DEPTOR: variants seen among roughly 807,000 people sequenced by gnomAD.
DEPTOR encodes the protein DEP domain-containing mTOR-interacting protein.
Under a neutral mutation model 41.6 loss-of-function variants are expected in DEPTOR, and 41 were observed. The ratio of observed to expected loss-of-function variants is 0.98; its 90% CI spans 0.77 to 1.28. The LOEUF is 1.28. Among genes scored for constraint, DEPTOR ranks in the 50% most tolerant of loss-of-function variants. DEPTOR has a pLI of 0.00. For synonymous variants in DEPTOR, 195 were observed against 192.3 expected, an observed-to-expected ratio of 1.01 and a Z score of -0.12; for missense variants, 514 against 527.9, an observed-to-expected ratio of 0.97 and a Z score of 0.26.
Position 119,873,811 on chromosome 8 carries a change from CA to C in DEPTOR, c.-35del, listed in dbSNP as rs1563952946. ...TCCGAGCACCCAAACCCTCGGCGGA[CA>C]GCGGAGCCAGTGGTAGCCGCACGGC... On this transcript the variant is annotated 5_prime_UTR_variant, in exon 1 of 9. Coordinates refer to ENST00000286234, the MANE Select transcript of DEPTOR (RefSeq NM_022783.4). The C allele has an allele frequency of 3.1e-6, 5 of 1,606,362 alleles. No homozygotes were observed. In the South Asian group the frequency reaches 5.5e-5, roughly 18 times the overall value.
intron 1 of DEPTOR, among the ~76,000 whole-genome samples, chr8:119,889,553 G>A (rs182431296): frequency 0.03 from 2,350 of 79,144 alleles, 74 homozygotes; most frequent in African/African-American, 0.08. Context: ...TCTCAGAAAG[G>A]AAAAAGAGGA....
At chr8:120,000,384 T>C (rs1311323154) in intron 4 of DEPTOR, among the ~76,000 whole-genome samples, 2 of 152,166 alleles carry the variant, frequency 1.3e-5, no homozygotes, top group Non-Finnish European at 2.9e-5. Flanking sequence ...ACATTCCATA[T>C]GAATGGAATC....
chr8:120,022,452 C>T (rs895889185), intron 8 of DEPTOR, among the ~76,000 whole-genome samples: 2 of 152,110 alleles, frequency 1.3e-5, no homozygotes, highest in Non-Finnish European at 2.9e-5. Flanking sequence ...AATTGATCTG[C>T]TATGGGTTTT....
chr8:120,040,064 G>C (rs565178836), intron 8 of DEPTOR, among the ~76,000 whole-genome samples: 1 of 151,974 alleles, frequency 6.6e-6, no homozygotes, highest in South Asian at 2.1e-4. Context: ...GGCTGGTCTC[G>C]AACTCCTGAC....
chr8:119,939,849 G>A (rs1223254356), intron 3 of DEPTOR, among the ~76,000 whole-genome samples: 1 of 152,130 alleles, frequency 6.6e-6, no homozygotes, highest in Non-Finnish European at 1.5e-5. Flanking sequence ...TAGAACCCTT[G>A]TGCATTGCTG....
chr8:119,898,298 C>G (rs6988011), intron 1 of DEPTOR, among the ~76,000 whole-genome samples: 75,708 of 152,026 alleles, frequency 0.5, 20,574 homozygotes, highest in East Asian at 0.92. Context: ...GAATGTGTTT[C>G]TGCGGTTTCT....
rs1319444945 is a variant in DEPTOR, at chr8:120,035,043, C to G, written c.1102-14533C>G. Among the ~76,000 whole-genome samples, 6 of 152,154 alleles carry G rather than the reference C, an allele frequency of 3.9e-5. 1 individual carries two copies. The highest frequency in any genetic ancestry group is 4.1e-4 in the South Asian group (2 of 4,824). ...TAAGACTCTGTGTCTCTTGGCCAGG[C>G]ACAGTGGCTCATGCCTGGAATTCTA... On this transcript the variant is annotated intron_variant, in intron 8 of 8. Transcript: ENST00000286234.
intron 1 of DEPTOR, among the ~76,000 whole-genome samples, chr8:119,911,102 T>C (rs1473463160): frequency 1.3e-5 from 2 of 152,114 alleles, no homozygotes; most frequent in African/African-American, 4.8e-5. Flanking sequence ...GCACCTTCAG[T>C]GTTGGCTGTT....
chr8:119,994,255 G>A (rs187556528), intron 4 of DEPTOR, among the ~76,000 whole-genome samples: 1 of 152,268 alleles, frequency 6.6e-6, no homozygotes, highest in African/African-American at 2.4e-5. Flanking sequence ...GGCGTAAGTT[G>A]CAGTGAGCCA....
intron 1 of DEPTOR, among the ~76,000 whole-genome samples, chr8:119,885,484 G>A (rs1430013981): frequency 6.6e-6 from 1 of 152,134 alleles, no homozygotes; most frequent in African/African-American, 2.4e-5. Context: ...CTACAAACCA[G>A]TCATCAATAA....
chr8:120,042,258 A>G (rs1309220553), intron 8 of DEPTOR, among the ~76,000 whole-genome samples: 1 of 152,094 alleles, frequency 6.6e-6, no homozygotes, highest in East Asian at 1.9e-4. Flanking sequence ...TGTGCTTTTG[A>G]ATACAGAGGA....
rs555652467 is a variant in DEPTOR at position 120,021,928 on chromosome 8, T to G, written c.1101+12795T>G. Among the ~76,000 whole-genome samples the G allele has an allele frequency of 4.6e-5, 7 of 152,158 alleles. No individual in the cohort carries two copies. The South Asian group carries it at 1.5e-3, about 32-fold the overall frequency. On this transcript the variant is annotated intron_variant, in intron 8 of 8. Coordinates refer to ENST00000286234, the MANE Select transcript of DEPTOR (RefSeq NM_022783.4). ...CGGAAGCTGAGGTGGGAGGATCACC[T>G]GAAGCCAGGAGTCTGACGACCAACC...
chr8:120,006,272 C>T (rs1352680949), intron 6 of DEPTOR, among the ~76,000 whole-genome samples: 1 of 152,068 alleles, frequency 6.6e-6, no homozygotes, highest in Non-Finnish European at 1.5e-5. Context: ...GCGTGTAATC[C>T]CAGCACTTTG....
chr8:119,977,423 C>T (rs1213696893), intron 4 of DEPTOR, among the ~76,000 whole-genome samples: 1 of 152,116 alleles, frequency 6.6e-6, no homozygotes, highest in East Asian at 1.9e-4. Flanking sequence ...TTTTCTCAAT[C>T]TACTTTCAAT....
rs118032187 is a variant in DEPTOR at position 119,965,479 on chromosome 8, C to T, written c.604+69C>T. The stretch of plus-strand genomic sequence containing the variant: ...CCCCAAATCTTGTGTCTTACAACAA[C>T]ACGTACTTATTTCTCACTCATGAAT... On this transcript the variant is annotated intron_variant, in intron 4 of 8. Coordinates refer to ENST00000286234, the MANE Select transcript of DEPTOR (RefSeq NM_022783.4). 2.4e-3 allele frequency: 3,750 copies of T among 1,538,266 alleles called. 9 individuals are homozygous for T. Among genetic ancestry groups the T allele is most frequent in the Non-Finnish European group, 3.0e-3 (3,362 of 1,137,496 alleles).
chr8:119,914,629 G>A (rs907034799), intron 1 of DEPTOR, among the ~76,000 whole-genome samples: 1 of 151,886 alleles, frequency 6.6e-6, no homozygotes, highest in Non-Finnish European at 1.5e-5. Flanking sequence ...TAGTAGAGAC[G>A]GGGTTTCACC....
At position 119,957,236 on chromosome 8, in the gene DEPTOR, A is replaced by G. The variant is rs527853718; in HGVS notation, c.426-7996A>G. On this transcript the variant is annotated intron_variant, in intron 3 of 8. Coordinates refer to ENST00000286234, the MANE Select transcript of DEPTOR (RefSeq NM_022783.4). ...TTGGATAATGATGTATAGCAGGAGAATGCATATAATTAAATTTAATTTATT... is the reference window on the plus strand; with the variant it reads ...TTGGATAATGATGTATAGCAGGAGAGTGCATATAATTAAATTTAATTTATT... Among the ~76,000 whole-genome samples, 4 of 152,340 alleles carry G rather than the reference A, an allele frequency of 2.6e-5. No individual in the cohort carries two copies. In the South Asian group the frequency reaches 8.3e-4, roughly 32 times the overall value.
At chr8:119,880,140 T>C (rs1053327420) in intron 1 of DEPTOR, among the ~76,000 whole-genome samples, 1 of 112,526 alleles carries the variant, frequency 8.9e-6, no homozygotes, top group African/African-American at 4.2e-5. Context: ...GGACTCCGTC[T>C]CAAAATAAAA....
At chr8:119,991,108 C>CTTTTTTTT (rs1812166357) in intron 4 of DEPTOR, among the ~76,000 whole-genome samples, 1 of 66,660 alleles carries the variant, frequency 1.5e-5, no homozygotes, top group Non-Finnish European at 3.2e-5. Flanking sequence ...TTCTTTCTTT[C>CTTTTTTTT]TTTCTTTCTT....
Sources: gnomAD v4.1 joint callset for allele counts (sites outside exome capture counted in the v4.1 genomes callset) on GRCh38, gnomAD v4.1.1 for gene constraint, MANE v1.5 for transcripts, NCBI Gene and HGNC (gene_info 2026-07-23, HGNC 2026-07-21) for gene names.